The following RYR2 variants were observed in gnomAD, a reference collection of about 807,000 sequenced individuals.
The protein encoded by RYR2 is cardiac muscle ryanodine receptor-calcium release channel.
A neutral mutation model predicts 601.1 loss-of-function variants in RYR2; 227 were observed. The observed-to-expected ratio is 0.38, with a 90% CI of 0.34 to 0.42. The LOEUF (loss-of-function observed/expected upper bound fraction) is 0.42. Ranked by LOEUF, RYR2 falls within the 10% of genes least tolerant of loss-of-function variation. The pLI, the probability that RYR2 is intolerant of heterozygous loss-of-function variation, is 1.00. For synonymous variants in RYR2, 2,223 were observed against 2,175.1 expected (o/e 1.02, Z -0.61); for missense variants, 4,646 against 6,156.5 (o/e 0.75, Z 8.21).
chr1:237,458,469 CAA>C, intron 16 of RYR2, among the ~76,000 whole-genome samples: 1 of 152,142 alleles, frequency 6.6e-6, no homozygotes, highest in South Asian at 2.1e-4. Context: ...ATGTTTCTCC[CAA>C]CTCTTAAGTA....
chr1:237,784,427 C>T lies in RYR2; in HGVS notation c.12715C>T (p.Leu4239=), dbSNP rs766396305. 14 of 1,613,704 alleles carry T rather than the reference C, an allele frequency of 8.7e-6. No individual in the cohort carries two copies. In the Admixed American group the frequency reaches 1.8e-4, roughly 21 times the overall value. The change falls in exon 90 of 105, where the codon CTG becomes TTG. Residue 4239 remains leucine (L), a synonymous_variant. Coordinates refer to ENST00000366574, the MANE Select transcript of RYR2 (RefSeq NM_001035.3). The surrounding 1 kb of genome is among the most constrained non-coding windows in gnomAD (Gnocchi z 7.1). The part of the protein sequence containing the change: ...QGPRMAFFSI[L]TVRSALFALR... ...GCCGAGGATGGCTTTCTTCTCCATT[C>T]TGACGGTCAGGTCGGCCCTGTTTGC...
intron 3 of RYR2, among the ~76,000 whole-genome samples, chr1:237,335,427 T>C (rs1178151724): frequency 5.3e-5 from 8 of 152,118 alleles, no homozygotes; most frequent in Admixed American, 5.2e-4. Flanking sequence ...GGTTTTGGAG[T>C]CCAGGAAATT....
intron 25 of RYR2, among the ~76,000 whole-genome samples, chr1:237,547,284 G>A (rs1312244410): frequency 6.6e-6 from 1 of 152,050 alleles, no homozygotes; most frequent in Non-Finnish European, 1.5e-5. Context: ...GGGATTACAG[G>A]TGTGAGCCAC....
chr1:237,427,653 T>G (rs1706307861), intron 12 of RYR2, among the ~76,000 whole-genome samples: 1 of 151,646 alleles, frequency 6.6e-6, no homozygotes, highest in Non-Finnish European at 1.5e-5. Context: ...CGTGGTGGCA[T>G]GCACCTGTAA....
chr1:237,125,256 C>T (rs1238260883), intron 1 of RYR2, among the ~76,000 whole-genome samples: 3 of 151,974 alleles, frequency 2.0e-5, no homozygotes, highest in East Asian at 1.9e-4. Context: ...GCCCAGGCCT[C>T]GGAGGTTCGG....
rs192627012 is a variant in RYR2 at position 237,584,865 on chromosome 1, C to T, written c.3599-4928C>T. On this transcript the variant is annotated intron_variant, in intron 29 of 104. Transcript: ENST00000366574. The stretch of plus-strand genomic sequence containing the variant: ...TAAAATAGCTCTTTGAAAAACAAAG[C>T]TAACTCCTAAGCAGTGTGCCCAGAG... 9.2e-5 allele frequency among the ~76,000 whole-genome samples: 14 copies of T among 151,616 alleles called. No individual in the cohort carries two copies. In the East Asian group the frequency reaches 2.7e-3, roughly 30 times the overall value.
In RYR2 at chr1:237,784,339, G is replaced by A. The variant is rs3753631; in HGVS notation, c.12627G>A (p.Ser4209=). Residue 4209 remains serine, a synonymous_variant, in exon 90 of 105, where the codon TCG becomes TCA. Coordinates refer to ENST00000366574, the MANE Select transcript of RYR2 (RefSeq NM_001035.3). The surrounding 1 kb of genome is among the most constrained non-coding windows in gnomAD (Gnocchi z 7.1). Reference sequence around the variant, plus strand: ...AGCTGGCGGCTCAGATCTCGGAGTCGGACTTGAACGAGAGGTCAGCGAATA... The same window carrying A: ...AGCTGGCGGCTCAGATCTCGGAGTCAGACTTGAACGAGAGGTCAGCGAATA... The part of the protein sequence containing the change: ...EMQLAAQISE[S]DLNERSANKE... 5.4e-5 allele frequency: 87 copies of A among 1,613,876 alleles called. No homozygotes were observed. In the East Asian group the frequency reaches 1.9e-3, roughly 35 times the overall value.
chr1:237,127,945 C>T (rs1307573656), intron 1 of RYR2, among the ~76,000 whole-genome samples: 7 of 152,106 alleles, frequency 4.6e-5, no homozygotes, highest in South Asian at 2.1e-4. Flanking sequence ...AGACGATGGG[C>T]GGCCAGGCAG....
In RYR2 at chr1:237,559,102, G is replaced by A. The variant is rs546862365; in HGVS notation, c.3215-7465G>A. 9.9e-5 allele frequency among the ~76,000 whole-genome samples: 15 copies of A among 151,118 alleles called. No homozygotes were observed. The East Asian group carries it at 2.5e-3, about 26-fold the overall frequency. On this transcript the variant is annotated intron_variant, in intron 27 of 104. Transcript: ENST00000366574. The stretch of plus-strand genomic sequence containing the variant: ...CTTCACCTCCCAGGTTCAAGTGACT[G>A]TCCTGCCTCAGCCTCCCAAGTAGCT...
At chr1:237,398,565 T>A (rs1358770053) in intron 10 of RYR2, among the ~76,000 whole-genome samples, 1 of 152,196 alleles carries the variant, frequency 6.6e-6, no homozygotes, top group Admixed American at 6.5e-5. Flanking sequence ...GATAACACTG[T>A]ATGCTTATCA....
At chr1:237,564,492 A>T (rs1286867061) in intron 27 of RYR2, among the ~76,000 whole-genome samples, 2 of 152,036 alleles carry the variant, frequency 1.3e-5, no homozygotes, top group African/African-American at 4.8e-5. Flanking sequence ...CTGGTCTCGA[A>T]TTCCTGACCT....
At chr1:237,502,159 C>G (rs1052187141) in intron 21 of RYR2, among the ~76,000 whole-genome samples, 1 of 151,816 alleles carries the variant, frequency 6.6e-6, no homozygotes, top group Non-Finnish European at 1.5e-5. Context: ...CCTTGACACA[C>G]ACAAAAAAAG....
chr1:237,714,404 TTGAATAGGTCTTGGAAAA>T (rs1465370705), intron 71 of RYR2, among the ~76,000 whole-genome samples: 3 of 152,110 alleles, frequency 2.0e-5, no homozygotes, highest in Non-Finnish European at 4.4e-5. Context: ...AAGTGAGGAT[TTGAATAGGTCTTGGAAAA>T]TGAGTCTTTT....
At chr1:237,830,741 C>CAGAT (rs1663680183) in intron 103 of RYR2, 111 bp downstream of exon 103, 2 of 612,150 alleles carry the variant, frequency 3.3e-6, no homozygotes, top group South Asian at 4.6e-5. Context: ...ATAATTGCTG[C>CAGAT]AGATACTTTA....
rs373281912 is a variant in RYR2, at chr1:237,092,280, A to G, written c.48+49711A>G. Reference sequence around the variant, plus strand: ...TAAAGGAATGTAAAAGCAGGCTGAAATATCCTTAGGTACGCTCCAGATGGC... The same window carrying G: ...TAAAGGAATGTAAAAGCAGGCTGAAGTATCCTTAGGTACGCTCCAGATGGC... On this transcript the variant is annotated intron_variant, in intron 1 of 104. Coordinates refer to ENST00000366574, the MANE Select transcript of RYR2 (RefSeq NM_001035.3). Among the ~76,000 whole-genome samples, 211 of 152,228 alleles carry G rather than the reference A, an allele frequency of 1.4e-3. 1 individual carries two copies. Among genetic ancestry groups the G allele is most frequent in the African/African-American group, 4.9e-3 (205 of 41,532 alleles).
At chr1:237,585,621 C>G in intron 29 of RYR2, among the ~76,000 whole-genome samples, 1 of 152,096 alleles carries the variant, frequency 6.6e-6, no homozygotes, top group East Asian at 1.9e-4. Flanking sequence ...AATGTAGTTT[C>G]TAGAAATATT....
At chr1:237,364,089 A>G (rs779306979) in intron 4 of RYR2, among the ~76,000 whole-genome samples, 5 of 152,164 alleles carry the variant, frequency 3.3e-5, no homozygotes, top group Non-Finnish European at 7.4e-5. Context: ...CAATGGAATC[A>G]CTGAAAGTAG....
chr1:237,245,864 C>G (rs183779275), intron 1 of RYR2, among the ~76,000 whole-genome samples: 17 of 150,408 alleles, frequency 1.1e-4, no homozygotes, highest in Non-Finnish European at 2.1e-4. Flanking sequence ...TCATTGTAAC[C>G]TCTGCCTCCC....
intron 2 of RYR2, among the ~76,000 whole-genome samples, chr1:237,294,634 C>T (rs1692573539): frequency 6.6e-6 from 1 of 152,088 alleles, no homozygotes; most frequent in African/African-American, 2.4e-5. Flanking sequence ...TAAAATTATA[C>T]TTGCAATTGC....
Sources: allele counts gnomAD v4.1 joint callset (sites outside exome capture counted in the v4.1 genomes callset), GRCh38; gene constraint gnomAD v4.1.1; non-coding constraint Gnocchi (gnomAD v3.1); transcripts MANE v1.5; gene names NCBI Gene and HGNC (gene_info 2026-07-23, HGNC 2026-07-21).